The following MEI4 variants were observed in gnomAD, a reference collection of about 807,000 sequenced individuals.
The protein encoded by MEI4 is meiosis-specific protein MEI4.
In MEI4, 27 loss-of-function variants were observed where a neutral mutation model predicts 31.4. That is an observed-to-expected ratio of 0.86 (90% confidence interval 0.63 to 1.19). MEI4 has a LOEUF of 1.19. Among genes scored for constraint, MEI4 ranks in the 50% most tolerant of loss-of-function variants. The pLI is 0.00. For missense variants in MEI4, 329 were observed against 398.9 expected (o/e 0.82, Z 1.49); for synonymous variants, 122 against 145.4 (o/e 0.84, Z 1.16).
upstream of MEI4, among the ~76,000 whole-genome samples, chr6:77,651,630 C>T (rs150725339): frequency 4.3e-4 from 65 of 152,122 alleles, no homozygotes; most frequent in East Asian, 9.1e-3. Context: ...AGTCACTTGA[C>T]GGGGATTTGT....
intron 4 of MEI4, among the ~76,000 whole-genome samples, chr6:77,904,676 G>A (rs908876553): frequency 6.6e-6 from 1 of 152,130 alleles, no homozygotes; most frequent in Non-Finnish European, 1.5e-5. Context: ...ATTCCATGAT[G>A]TATATGCACC....
intron 4 of MEI4, among the ~76,000 whole-genome samples, chr6:77,866,294 C>T (rs1771025637): frequency 6.6e-6 from 1 of 152,062 alleles, no homozygotes; most frequent in Admixed American, 6.6e-5. Flanking sequence ...CAAATTGTCC[C>T]TGTTTGCAGA....
intron 4 of MEI4, among the ~76,000 whole-genome samples, chr6:77,883,651 G>A (rs1215654985): frequency 7.2e-6 from 1 of 138,048 alleles, no homozygotes; most frequent in Non-Finnish European, 1.5e-5. Flanking sequence ...CTTTTTTATG[G>A]CACAATACTA....
At chr6:77,864,567 C>G (rs1470033303) in intron 4 of MEI4, among the ~76,000 whole-genome samples, 1 of 152,110 alleles carries the variant, frequency 6.6e-6, no homozygotes, top group African/African-American at 2.4e-5. Flanking sequence ...ACAGGAGCAC[C>G]CAGATGCATA....
At chr6:77,901,383 A>T (rs4451104) in intron 4 of MEI4, among the ~76,000 whole-genome samples, 125,482 of 151,916 alleles carry the variant, frequency 0.83, 52,337 homozygotes, top group East Asian at 0.95. Context: ...AGTTATCTCT[A>T]ATCTTCTTGA....
chr6:77,713,749 A>G (rs750526766), intron 2 of MEI4, among the ~76,000 whole-genome samples: 6 of 152,108 alleles, frequency 3.9e-5, no homozygotes, highest in Non-Finnish European at 8.8e-5. Context: ...TCTGATTGCT[A>G]TTCTTTTGTT....
At chr6:77,787,119 A>G (rs1768756848) in intron 3 of MEI4, among the ~76,000 whole-genome samples, 1 of 152,234 alleles carries the variant, frequency 6.6e-6, no homozygotes, top group South Asian at 2.1e-4. Flanking sequence ...TTGTGTTCCC[A>G]GAGGCAGATA....
chr6:77,746,135 G>A (rs1767595042), intron 2 of MEI4, among the ~76,000 whole-genome samples: 1 of 152,088 alleles, frequency 6.6e-6, no homozygotes, highest in Admixed American at 6.6e-5. Context: ...CAGAACTGAA[G>A]GAAATAGAGA....
chr6:77,859,869 C>G (rs1308793811), intron 4 of MEI4, among the ~76,000 whole-genome samples: 1 of 152,198 alleles, frequency 6.6e-6, no homozygotes, highest in Non-Finnish European at 1.5e-5. Flanking sequence ...CAGAGTACTT[C>G]TGATCCACAG....
At chr6:77,681,237 C>T (rs559881133) in intron 1 of MEI4, among the ~76,000 whole-genome samples, 1 of 152,176 alleles carries the variant, frequency 6.6e-6, no homozygotes, top group South Asian at 2.1e-4. Flanking sequence ...TTTTATGACA[C>T]GGGACTGTTT....
intron 4 of MEI4, among the ~76,000 whole-genome samples, chr6:77,870,440 G>T (rs987669571): frequency 6.6e-6 from 1 of 152,182 alleles, no homozygotes; most frequent in Non-Finnish European, 1.5e-5. Context: ...CCAAGGAAAT[G>T]AACAAAAGTA....
intron 2 of MEI4, among the ~76,000 whole-genome samples, chr6:77,715,925 A>G (rs1766572375): frequency 6.6e-6 from 1 of 152,050 alleles, no homozygotes; most frequent in Admixed American, 6.6e-5. Flanking sequence ...CTGGTTTGAT[A>G]TATTTTTACA....
At chr6:77,822,463 T>C (rs1209647880) in intron 3 of MEI4, among the ~76,000 whole-genome samples, 3 of 152,194 alleles carry the variant, frequency 2.0e-5, no homozygotes, top group Non-Finnish European at 2.9e-5. Flanking sequence ...TTTTTTCAAA[T>C]TCAAGATTCA....
intron 4 of MEI4, among the ~76,000 whole-genome samples, chr6:77,865,705 G>A (rs1367207064): frequency 1.3e-5 from 2 of 152,244 alleles, no homozygotes; most frequent in African/African-American, 4.8e-5. Flanking sequence ...TAGAAAAAGA[G>A]GGAATCCTCC....
chr6:77,761,981 A>ATTG lies in MEI4; in HGVS notation c.768+318_768+319insGTT, dbSNP rs535048419. On this transcript the variant is annotated intron_variant, in intron 3 of 4. Coordinates refer to ENST00000684080, the MANE Select transcript of MEI4 (RefSeq NM_001322247.2). ...TTTCCCTTTTCTGTTTCTATTTCTT[A>ATTG]TTCAAAAAGTCTCAAAACTTTTGAG... Among the ~76,000 whole-genome samples, 212 of 152,226 alleles carry ATTG rather than the reference A, an allele frequency of 1.4e-3. 1 individual carries two copies. Among genetic ancestry groups the ATTG allele is most frequent in the African/African-American group, 4.5e-3 (186 of 41,546 alleles).
At chr6:77,663,383 G>A (rs28870526) in intron 1 of MEI4, among the ~76,000 whole-genome samples, 115,887 of 149,918 alleles carry the variant, frequency 0.77, 45,036 homozygotes, top group African/African-American at 0.86. Context: ...GAGTAGAGGT[G>A]TCCTATACTT....
intron 4 of MEI4, among the ~76,000 whole-genome samples, chr6:77,894,226 A>G (rs1379865866): frequency 1.3e-5 from 2 of 150,360 alleles, no homozygotes; most frequent in African/African-American, 4.9e-5. Flanking sequence ...CTTTTTCTTT[A>G]TGCAGAAATT....
chr6:77,880,300 G>A (rs1771451489), intron 4 of MEI4, among the ~76,000 whole-genome samples: 1 of 149,148 alleles, frequency 6.7e-6, no homozygotes, highest in African/African-American at 2.5e-5. Flanking sequence ...GCACGATCTT[G>A]GCTTACTGCA....
intron 3 of MEI4, among the ~76,000 whole-genome samples, chr6:77,804,908 T>C (rs948399274): frequency 6.6e-6 from 1 of 152,194 alleles, no homozygotes; most frequent in Non-Finnish European, 1.5e-5. Context: ...AATGTCATGA[T>C]TTTGGTATGA....
Sources: allele counts gnomAD v4.1 joint callset (sites outside exome capture counted in the v4.1 genomes callset), GRCh38; gene constraint gnomAD v4.1.1; transcripts MANE v1.5; gene names NCBI Gene and HGNC (gene_info 2026-07-23, HGNC 2026-07-21).